The following ATP5PO variants were observed in gnomAD, a reference collection of about 807,000 sequenced individuals.
ATP5PO encodes ATP synthase peripheral stalk subunit OSCP, also known as ATP synthase peripheral stalk subunit OSCP, mitochondrial.
A neutral mutation model predicts 26.2 loss-of-function variants in ATP5PO; 14 were observed. The ratio of observed to expected loss-of-function variants is 0.53; its 90% confidence interval spans 0.35 to 0.83. The LOEUF (loss-of-function observed/expected upper bound fraction) is 0.83, where lower values mean the gene tolerates loss of function less well. ATP5PO is among the 40% of genes least tolerant of loss of function. ATP5PO has a pLI of 0.01. For missense variants in ATP5PO, 241 were observed against 258.5 expected, an observed-to-expected ratio of 0.93 and a Z score of 0.46; for synonymous variants, 106 against 95.1, an observed-to-expected ratio of 1.12 and a Z score of -0.67.
chr21:33,912,441 A>T, intron 2 of ATP5PO, 42 bp from the exon 3 acceptor site: 2 of 1,414,332 alleles, frequency 1.4e-6, no homozygotes, highest in African/African-American at 2.8e-5. Context: ...GAAAAAGGAA[A>T]ATCAGTTAAT....
intron 5 of ATP5PO, among the ~76,000 whole-genome samples, chr21:33,905,918 G>GAAAGAAAAAA (rs1987164167): frequency 1.0e-5 from 1 of 98,436 alleles, no homozygotes; most frequent in Non-Finnish European, 1.9e-5. Flanking sequence ...TCTCAAAAAA[G>GAAAGAAAAAA]AAAAAAAAAA....
intron 1 of ATP5PO, chr21:33,915,315 T>TA (rs1205866677): frequency 5.1e-6 from 1 of 195,564 alleles, no homozygotes; most frequent in Non-Finnish European, 1.0e-5. Flanking sequence ...ATTTTATTTA[T>TA]AAAACTGTGA....
At chr21:33,912,989 G>A (rs546511407) in intron 2 of ATP5PO, among the ~76,000 whole-genome samples, 1 of 152,256 alleles carries the variant, frequency 6.6e-6, no homozygotes, top group South Asian at 2.1e-4. Context: ...TACCATCAAT[G>A]TATGACTACA....
intron 6 of ATP5PO, 31 bp downstream of exon 6, chr21:33,903,904 G>T (rs1987134915): frequency 1.9e-6 from 3 of 1,556,836 alleles, no homozygotes; most frequent in Non-Finnish European, 1.8e-6. Context: ...AATAACCCGA[G>T]AAAACGTACC....
chr21:33,909,144 A>C lies in ATP5PO; in HGVS notation c.266T>G (p.Val89Gly), dbSNP rs759836137. The C allele has an allele frequency of 6.2e-7, 1 of 1,613,616 alleles. No homozygotes were observed. Among genetic ancestry groups the C allele is most frequent in the Non-Finnish European group, 8.5e-7 (1 of 1,179,496 alleles). ...LNPYVKRSIK[V>G]KSLNDITAKE... The stretch of plus-strand genomic sequence containing the variant: ...TGCTGTGATGTCATTTAGGCTTTTC[A>C]CTTTAATGGAACGCTTCACATAGGG... The change falls in exon 4 of 7, where the codon GTG (valine) becomes GGG (glycine). Residue 89 changes from valine to glycine, a missense_variant. By Grantham distance (109) the Val-to-Gly change is moderately radical (BLOSUM62 -3). Around this residue, in one of 3 missense-constraint regions of ATP5PO, gnomAD observed 125 missense variants for 108.5 expected, o/e 1.15. Transcript: ENST00000290299.
At chr21:33,908,583 C>T (rs148908939) in intron 4 of ATP5PO, among the ~76,000 whole-genome samples, 1 of 152,112 alleles carries the variant, frequency 6.6e-6, no homozygotes, top group Non-Finnish European at 1.5e-5. Flanking sequence ...GTGGCATGCA[C>T]CTGTATTCCC....
chr21:33,910,666 CTGTG>C (rs1987235706), intron 3 of ATP5PO, among the ~76,000 whole-genome samples: 3 of 152,188 alleles, frequency 2.0e-5, no homozygotes, highest in Admixed American at 2.0e-4. Context: ...CCAAAAATGC[CTGTG>C]TGAGACCCCG....
rs530285617 is a variant in ATP5PO, at chr21:33,904,396, T to C, written c.442-375A>G. On this transcript the variant is annotated intron_variant, in intron 5 of 6. Coordinates refer to ENST00000290299, the MANE Select transcript of ATP5PO (RefSeq NM_001697.3). Reference sequence around the variant, plus strand: ...AATGCAGGAGGACACAGGCCTCTCCTGGGTGCAGCCCTGGGGACACGACAT... The same window carrying C: ...AATGCAGGAGGACACAGGCCTCTCCCGGGTGCAGCCCTGGGGACACGACAT... Among the ~76,000 whole-genome samples the C allele has an allele frequency of 2.6e-5, 4 of 152,342 alleles. No individual in the cohort carries two copies. In the South Asian group the frequency reaches 8.3e-4, roughly 32 times the overall value.
At position 33,903,780 on chromosome 21, in the gene ATP5PO, C is replaced by G. The variant is rs1416488927; in HGVS notation, c.529-141G>C. 5 of 1,082,342 alleles carry G rather than the reference C, an allele frequency of 4.6e-6. No homozygotes were observed. In the African/African-American group the frequency reaches 8.0e-5, roughly 17 times the overall value. The allele number at this position is 1,082,342 out of a possible 1,614,324, so 67.0% of individuals were successfully genotyped here. On this transcript the variant is annotated intron_variant, in intron 6 of 6. Coordinates refer to ENST00000290299, the MANE Select transcript of ATP5PO (RefSeq NM_001697.3). ...AGAAAAAGGCAAAAGTAAAACTGCA[C>G]AGTCAGATAATCATTTAAATTTAAA... is the stretch of plus-strand genomic sequence containing the variant.
Position 33,915,735 on chromosome 21 carries a change from G to C in ATP5PO, c.29C>G (p.Ser10Cys), listed in dbSNP as rs1987305735. 1 of 1,575,842 alleles carries C rather than the reference G, an allele frequency of 6.3e-7. No individual in the cohort carries two copies. The highest frequency in any genetic ancestry group is 8.6e-7 in the Non-Finnish European group (1 of 1,160,638). The change falls in exon 1 of 7, where the codon TCC (serine) becomes TGC (cysteine). Residue 10 changes from serine (S) to cysteine (C), a missense_variant. Ser to Cys is a moderately radical substitution (Grantham distance 112, BLOSUM62 -1). This residue lies in a region of ATP5PO where 125 missense variants were observed against 108.5 expected (regional missense o/e 1.15). Transcript: ENST00000290299. MAAPAVSGL[S>C]RQVRCFSTSV... Reference sequence around the variant, plus strand: ...GGACCACCTTTCTCTCACCTGCCGGGAGAGCCCGGACACTGCTGGGGCAGC... The same window carrying C: ...GGACCACCTTTCTCTCACCTGCCGGCAGAGCCCGGACACTGCTGGGGCAGC...
In ATP5PO at chr21:33,907,401, G is replaced by A; in HGVS notation, c.381C>T (p.Ala127=). Reference sequence around the variant, plus strand: ...GATGGACACTCATCATGGTAGAAAAGGCAGAAACGACTCCTTGGGTATTGC... The same window carrying A: ...GATGGACACTCATCATGGTAGAAAAAGCAGAAACGACTCCTTGGGTATTGC... ...RLSNTQGVVS[A]FSTMMSVHRG... Residue 127 remains alanine (A), a synonymous_variant, in exon 5 of 7, where the codon GCC becomes GCT. Coordinates refer to ENST00000290299, the MANE Select transcript of ATP5PO (RefSeq NM_001697.3). 6.2e-7 allele frequency: 1 copy of A among 1,614,170 alleles called. No homozygotes were observed. Among genetic ancestry groups the A allele is most frequent in the South Asian group, 1.1e-5 (1 of 91,082 alleles).
chr21:33,913,722 TATGA>T (rs1987278013), intron 2 of ATP5PO, among the ~76,000 whole-genome samples: 1 of 151,824 alleles, frequency 6.6e-6, no homozygotes, highest in South Asian at 2.1e-4. Flanking sequence ...GTGTGAAGAG[TATGA>T]ATATTTCTCA....
rs1262686599 is a variant in ATP5PO, at chr21:33,903,532, A to T, written c.636T>A (p.Ile212=). The change falls in exon 7 of 7, where the codon ATT becomes ATA. Residue 212 remains isoleucine, a synonymous_variant. Transcript: ENST00000290299. ...IQKLGRAMRE[I]V ...TGGCAGAAAACCAACACTTTTAGACAATCTCCCGCATAGCCCTGCCCAGCT... is the reference window on the plus strand; with the variant it reads ...TGGCAGAAAACCAACACTTTTAGACTATCTCCCGCATAGCCCTGCCCAGCT... 6.2e-7 allele frequency: 1 copy of T among 1,611,910 alleles called. No individual in the cohort carries two copies. The highest frequency in any genetic ancestry group is 8.5e-7 in the Non-Finnish European group (1 of 1,179,090).
Position 33,907,473 on chromosome 21 carries a change from T to C in ATP5PO, c.329-20A>G. 1 of 1,595,470 alleles carries C rather than the reference T, an allele frequency of 6.3e-7. No individual in the cohort carries two copies. Among genetic ancestry groups the C allele is most frequent in the Non-Finnish European group, 8.6e-7 (1 of 1,163,298 alleles). The stretch of plus-strand genomic sequence containing the variant: ...GCAAATCTGCCAGAGTGAAGGTGTC[T>C]CAGTAACAAGAAACTCACCTGAACA... On this transcript the variant is annotated intron_variant, in intron 4 of 6. Coordinates refer to ENST00000290299, the MANE Select transcript of ATP5PO (RefSeq NM_001697.3).
intron 6 of ATP5PO, 70 bp downstream of exon 6, chr21:33,903,865 A>G: frequency 2.9e-6 from 4 of 1,377,020 alleles, no homozygotes; most frequent in South Asian, 1.3e-5. Context: ...ATATTTCACT[A>G]GTACTTTCTG....
At chr21:33,913,019 T>A (rs145983195) in intron 2 of ATP5PO, among the ~76,000 whole-genome samples, 1 of 152,324 alleles carries the variant, frequency 6.6e-6, no homozygotes, top group African/African-American at 2.4e-5. Flanking sequence ...TGGTGCTGTA[T>A]GGTTGTAGTG....
Position 33,914,433 on chromosome 21 carries a change from A to AAT in ATP5PO, c.87+15_87+16dup. On this transcript the variant is annotated intron_variant, in intron 2 of 6. Transcript: ENST00000290299. ...TTCGCGTACTTTATCATTACAGAAGAATATAAATTAACATACCCTCACAAG... is the reference window on the plus strand; with the variant it reads ...TTCGCGTACTTTATCATTACAGAAGAATATATAAATTAACATACCCTCACAAG... 1 of 1,609,048 alleles carries AAT rather than the reference A, an allele frequency of 6.2e-7. No individual in the cohort carries two copies. The highest frequency in any genetic ancestry group is 8.5e-7 in the Non-Finnish European group (1 of 1,176,054).
intron 4 of ATP5PO, 183 bp downstream of exon 4, chr21:33,908,899 G>A: frequency 6.6e-6 from 4 of 603,876 alleles, no homozygotes; most frequent in African/African-American, 1.8e-5. Flanking sequence ...ACACTTCAAT[G>A]TGCAAACGAT....
chr21:33,905,624 G>C (rs983054723), intron 5 of ATP5PO, among the ~76,000 whole-genome samples: 1 of 152,038 alleles, frequency 6.6e-6, no homozygotes, highest in Admixed American at 6.6e-5. Flanking sequence ...GAAAATCATG[G>C]CCTTGTGGCT....
Sources: gnomAD v4.1 joint callset for allele counts (sites outside exome capture counted in the v4.1 genomes callset) on GRCh38, gnomAD v4.1.1 for gene constraint, gnomAD v4.1.1 regional missense constraint, MANE v1.5 for transcripts, NCBI Gene and HGNC (gene_info 2026-07-23, HGNC 2026-07-21) for gene names.